STAG1: variants seen among roughly 807,000 people sequenced by gnomAD.
The protein encoded by STAG1 is STAG1 cohesin complex component.
Under a neutral mutation model 170.9 loss-of-function variants are expected in STAG1, and 26 were observed. The observed-to-expected ratio is 0.15, with a 90% CI of 0.11 to 0.21. The LOEUF (loss-of-function observed/expected upper bound fraction) is 0.21. Among genes scored for constraint, STAG1 ranks in the 10% least tolerant of loss-of-function variants. The probability of loss-of-function intolerance (pLI) is 1.00; values close to 1 mark genes in which losing one functional copy is unlikely to be tolerated. For synonymous variants in STAG1, 514 were observed against 497.7 expected (o/e 1.03, Z -0.44); for missense variants, 964 against 1,509.5 (o/e 0.64, Z 5.99).
chr3:136,470,598 A>T (rs1374718955), intron 12 of STAG1, among the ~76,000 whole-genome samples: 1 of 152,218 alleles, frequency 6.6e-6, no homozygotes, highest in Non-Finnish European at 1.5e-5. Context: ...AGGATCTAGA[A>T]CTAGAAATAC....
intron 5 of STAG1, among the ~76,000 whole-genome samples, chr3:136,549,988 T>A (rs1164028846): frequency 6.6e-6 from 1 of 152,206 alleles, no homozygotes; most frequent in African/African-American, 2.4e-5. Context: ...TTGACTTTCA[T>A]TTGGTGAATA....
At chr3:136,600,624 C>T (rs1272827977) in intron 4 of STAG1, among the ~76,000 whole-genome samples, 2 of 152,102 alleles carry the variant, frequency 1.3e-5, no homozygotes, top group African/African-American at 2.4e-5. Context: ...CTCTACCTCC[C>T]GGGTTCAAGC....
intron 1 of STAG1, among the ~76,000 whole-genome samples, chr3:136,729,044 G>C (rs777655551): frequency 1.3e-5 from 2 of 152,162 alleles, no homozygotes; most frequent in Non-Finnish European, 2.9e-5. Flanking sequence ...TGAAAGGCAC[G>C]ATCTTGGCTC....
At chr3:136,715,584 C>A (rs1213035670) in intron 1 of STAG1, among the ~76,000 whole-genome samples, 1 of 152,052 alleles carries the variant, frequency 6.6e-6, no homozygotes, top group Non-Finnish European at 1.5e-5. Context: ...CACACCACTG[C>A]ACTCCAGCCT....
intron 27 of STAG1, among the ~76,000 whole-genome samples, chr3:136,358,313 G>A (rs1936734273): frequency 6.6e-6 from 1 of 151,992 alleles, no homozygotes; most frequent in East Asian, 1.9e-4. Flanking sequence ...TCAAACTCCT[G>A]GGCTCAAGCA....
At chr3:136,423,618 A>T (rs188447699) in intron 16 of STAG1, among the ~76,000 whole-genome samples, 178 of 152,368 alleles carry the variant, frequency 1.2e-3, no homozygotes, top group African/African-American at 2.5e-3. Flanking sequence ...TGTATCCAAC[A>T]TGTGAAACCA....
At chr3:136,488,741 T>C (rs1022638411) in intron 9 of STAG1, among the ~76,000 whole-genome samples, 6 of 152,254 alleles carry the variant, frequency 3.9e-5, no homozygotes, top group Non-Finnish European at 8.8e-5. Context: ...CAGGAACTAA[T>C]AGTATATTCA....
chr3:136,382,452 G>T (rs920105725), intron 22 of STAG1, among the ~76,000 whole-genome samples: 2 of 150,784 alleles, frequency 1.3e-5, no homozygotes, highest in Non-Finnish European at 2.9e-5. Context: ...GCCCAGGCTG[G>T]AGTGCAGTGG....
intron 28 of STAG1, among the ~76,000 whole-genome samples, chr3:136,350,893 A>G (rs999503981): frequency 6.6e-6 from 1 of 152,196 alleles, no homozygotes; most frequent in Non-Finnish European, 1.5e-5. Context: ...ATGACAGCGC[A>G]AAACAGCCGG....
intron 1 of STAG1, among the ~76,000 whole-genome samples, chr3:136,637,947 C>G (rs1422976589): frequency 6.6e-6 from 1 of 151,580 alleles, no homozygotes; most frequent in Non-Finnish European, 1.5e-5. Context: ...ATTCATAGCT[C>G]CCTGCAGCCT....
chr3:136,521,113 T>A, intron 7 of STAG1, 100 bp downstream of exon 7: 1 of 987,334 alleles, frequency 1.0e-6, no homozygotes, highest in East Asian at 2.6e-5. Flanking sequence ...TGTTTTATTC[T>A]AATTAAATTT....
At chr3:136,685,033 G>A (rs1248801122) in intron 1 of STAG1, among the ~76,000 whole-genome samples, 1 of 152,098 alleles carries the variant, frequency 6.6e-6, no homozygotes, top group Non-Finnish European at 1.5e-5. Context: ...AAGAACTCTT[G>A]GCTGGGCCCG....
intron 23 of STAG1, among the ~76,000 whole-genome samples, chr3:136,370,365 ATATTAT>A (rs1489253759): frequency 6.6e-6 from 1 of 151,796 alleles, no homozygotes. Context: ...TTTTATTATT[ATATTAT>A]TATTATACTT....
At chr3:136,593,837 T>C (rs567452848) in intron 4 of STAG1, among the ~76,000 whole-genome samples, 1 of 152,240 alleles carries the variant, frequency 6.6e-6, no homozygotes, top group East Asian at 1.9e-4. Flanking sequence ...CAAGTATTTA[T>C]ATTTGCTTAG....
intron 4 of STAG1, among the ~76,000 whole-genome samples, chr3:136,570,122 AATAC>A (rs780881389): frequency 5.3e-5 from 8 of 152,312 alleles, no homozygotes; most frequent in African/African-American, 1.7e-4. Context: ...AATTTTTATA[AATAC>A]ATACACCTGT....
At chr3:136,544,936 CT>C (rs1936087583) in intron 5 of STAG1, among the ~76,000 whole-genome samples, 1 of 152,096 alleles carries the variant, frequency 6.6e-6, no homozygotes, top group Non-Finnish European at 1.5e-5. Flanking sequence ...TAAAGCTCTT[CT>C]TTTACAGAGT....
chr3:136,524,788 G>A (rs895104658), intron 6 of STAG1, among the ~76,000 whole-genome samples: 6 of 151,746 alleles, frequency 4.0e-5, no homozygotes, highest in Admixed American at 3.3e-4. Context: ...CTAATTTATT[G>A]AGAGTTTTTA....
intron 16 of STAG1, among the ~76,000 whole-genome samples, chr3:136,431,336 G>C (rs1009222559): frequency 4.9e-4 from 74 of 151,854 alleles, no homozygotes; most frequent in Non-Finnish European, 3.2e-4. Context: ...GCAGTGGCAC[G>C]ATCTTGGCTC....
Position 136,475,006 on chromosome 3 carries a change from A to G in STAG1, c.1027-1369T>C, listed in dbSNP as rs182534345. ...CCCAGCCTCCTTGCTTCTGTACAGG[A>G]TACCCTCTAAGGTACAATTTACTCT... On this transcript the variant is annotated intron_variant, in intron 10 of 33. Transcript: ENST00000383202. 2.6e-5 allele frequency among the ~76,000 whole-genome samples: 4 copies of G among 152,144 alleles called. No individual in the cohort carries two copies. The East Asian group carries it at 7.7e-4, about 29-fold the overall frequency.
Sources: allele counts gnomAD v4.1 joint callset (sites outside exome capture counted in the v4.1 genomes callset), GRCh38; gene constraint gnomAD v4.1.1; transcripts MANE v1.5; gene names NCBI Gene and HGNC (gene_info 2026-07-23, HGNC 2026-07-21).